The following LIPE variants were observed in gnomAD, a reference collection of about 807,000 sequenced individuals.
LIPE encodes lipase E, hormone sensitive type, also known as hormone-sensitive lipase.
In LIPE, 66 loss-of-function variants were observed where a neutral mutation model predicts 88.5. The ratio of observed to expected loss-of-function variants is 0.75; its 90% CI spans 0.61 to 0.91. The LOEUF (loss-of-function observed/expected upper bound fraction) is 0.91. Among genes scored for constraint, LIPE ranks in the 40% least tolerant of loss-of-function variants. The pLI is 0.00. For missense variants in LIPE, 1,346 were observed against 1,434.7 expected (o/e 0.94, Z 1.00); for synonymous variants, 570 against 617.5 (o/e 0.92, Z 1.14).
intron 1 of LIPE, chr19:42,423,664 C>G (rs2040648671): frequency 5.2e-6 from 6 of 1,161,814 alleles, no homozygotes; most frequent in South Asian, 4.8e-5. Flanking sequence ...TTCTCTGGGT[C>G]CAGCTCCCTA....
chr19:42,409,149 G>A (rs1357151495), intron 2 of LIPE, among the ~76,000 whole-genome samples: 1 of 152,064 alleles, frequency 6.6e-6, no homozygotes, highest in Non-Finnish European at 1.5e-5. Flanking sequence ...ACAGGGACCT[G>A]AGGCAGAAAG....
intron 1 of LIPE, chr19:42,423,558 C>T: frequency 1.6e-6 from 2 of 1,235,586 alleles, no homozygotes; most frequent in Non-Finnish European, 1.0e-6. Context: ...GGTCCTCCCG[C>T]GGGGGCCAAT....
chr19:42,406,540 C>T lies in LIPE; in HGVS notation c.2138-152G>A. 1.6e-6 allele frequency: 1 copy of T among 643,814 alleles called. No individual in the cohort carries two copies. The highest frequency in any genetic ancestry group is 1.8e-5 in the South Asian group (1 of 54,580). The allele number at this position is 643,814 out of a possible 1,614,324, so 39.9% of individuals were successfully genotyped here. ...AGCAGACTGCAGTTTTAGAGACTGG[C>T]AGACTGAGGCACAGATTTGGGCTCA... On this transcript the variant is annotated intron_variant, in intron 6 of 9. Transcript: ENST00000244289. The surrounding 1 kb of genome is among the most constrained non-coding windows in gnomAD (Gnocchi z 5.7).
At position 42,410,666 on chromosome 19, in the gene LIPE, G is replaced by C. The variant is rs200986163; in HGVS notation, c.1060C>G (p.Arg354Gly). ...QALGLEPALG[R>G]LLGVAHLFDL... ...AAGAGGTGCGCCACACCCAGCAGGC[G>C]GCCCAGGGCCGGCTCCAGCCCCAGC... Residue 354 changes from arginine (R) to glycine (G), a missense_variant, in exon 2 of 10, where the codon CGC (arginine) becomes GGC (glycine). Coordinates refer to ENST00000244289, the MANE Select transcript of LIPE (RefSeq NM_005357.4). The surrounding 1 kb of genome is among the most constrained non-coding windows in gnomAD (Gnocchi z 6.1). 2.5e-6 allele frequency: 4 copies of C among 1,612,030 alleles called. No individual in the cohort carries two copies. The East Asian group carries it at 8.9e-5, about 36-fold the overall frequency.
At chr19:42,411,356 G>C (rs2040370390) in intron 1 of LIPE, 1 of 983,458 alleles carries the variant, frequency 1.0e-6, no homozygotes, top group African/African-American at 1.8e-5. Context: ...ATTCTCCTGG[G>C]GCCCAAGACT....
At chr19:42,416,328 G>C (rs2147651149) in intron 1 of LIPE, among the ~76,000 whole-genome samples, 1 of 151,996 alleles carries the variant, frequency 6.6e-6, no homozygotes, top group South Asian at 2.1e-4. Context: ...TGAGCAACAA[G>C]AGTGAAACTT....
At chr19:42,418,320 C>G (rs2040530328) in intron 1 of LIPE, among the ~76,000 whole-genome samples, 1 of 152,140 alleles carries the variant, frequency 6.6e-6, no homozygotes, top group Non-Finnish European at 1.5e-5. Flanking sequence ...GGACCAAATG[C>G]TATCAAACAG....
intron 8 of LIPE, among the ~76,000 whole-genome samples, chr19:42,403,880 C>A (rs999773885): frequency 2.6e-5 from 4 of 152,036 alleles, no homozygotes; most frequent in African/African-American, 9.7e-5. Flanking sequence ...GGATCTGCTT[C>A]CCCACATTTC....
Position 42,407,067 on chromosome 19 carries a change from G to GT in LIPE, c.2137+106dup. ...CCTGGGTGAGCAGGAGCTGGGAGGT[G>GT]TGGGGGGAGAGAAAGGTAGAGGGTG... is the stretch of plus-strand genomic sequence containing the variant. On this transcript the variant is annotated intron_variant, in intron 6 of 9. Transcript: ENST00000244289. This position sits in a 1 kb window ranked among gnomAD's most constrained non-coding sequence, Gnocchi z 5.8. 1.0e-6 allele frequency: 1 copy of GT among 988,846 alleles called. No individual in the cohort carries two copies. Among genetic ancestry groups the GT allele is most frequent in the Non-Finnish European group, 1.4e-6 (1 of 692,096 alleles). 61.3% of individuals were successfully genotyped at this position (988,846 alleles called of 1,614,324 possible).
intron 1 of LIPE, among the ~76,000 whole-genome samples, chr19:42,417,983 C>A (rs1027943476): frequency 2.6e-5 from 4 of 151,408 alleles, no homozygotes; most frequent in Admixed American, 1.3e-4. Context: ...GGACTGACCC[C>A]CATTTTTTTT....
rs2040231385 is a variant in LIPE, at chr19:42,407,661, G to A, written c.1787C>T (p.Thr596Ile). The A allele has an allele frequency of 1.9e-6, 3 of 1,610,080 alleles. No individual in the cohort carries two copies. The highest frequency in any genetic ancestry group is 2.5e-6 in the Non-Finnish European group (3 of 1,178,020). Residue 596 changes from threonine to isoleucine, a missense_variant, in exon 5 of 10, where the codon ACA becomes ATA. By Grantham distance (89) the Thr-to-Ile change is moderately conservative. Coordinates refer to ENST00000244289, the MANE Select transcript of LIPE (RefSeq NM_005357.4). The surrounding 1 kb of genome is among the most constrained non-coding windows in gnomAD (Gnocchi z 5.8). ...CCTGACGAGGACGGGCCCAGGGCCT[G>A]TGTGGGCCAGTGGGGGTGAGATGGT... ...TVTISPPLAHTGPGPVLVRLI... is the reference protein window; with the variant it reads ...TVTISPPLAHIGPGPVLVRLI...
At chr19:42,419,440 G>A (rs1158214402) in intron 1 of LIPE, among the ~76,000 whole-genome samples, 1 of 152,222 alleles carries the variant, frequency 6.6e-6, no homozygotes, top group Non-Finnish European at 1.5e-5. Context: ...GGACTGGGCT[G>A]GGTGGAGCTG....
chr19:42,402,033 C>T lies in LIPE; in HGVS notation c.3010G>A (p.Ala1004Thr). The change falls in exon 10 of 10, where the codon GCG (alanine) becomes ACG (threonine). Residue 1004 changes from alanine (A) to threonine (T), a missense_variant. Coordinates refer to ENST00000244289, the MANE Select transcript of LIPE (RefSeq NM_005357.4). ...DPMLDDSVML[A>T]RRLRNLGQPV... The stretch of plus-strand genomic sequence containing the variant: ...TGGCCCAGGTTGCGCAGTCGCCGCG[C>T]GAGCATGACCGAGTCGTCCAGCATG... 6.5e-7 allele frequency: 1 copy of T among 1,530,858 alleles called. No individual in the cohort carries two copies. Among genetic ancestry groups the T allele is most frequent in the Non-Finnish European group, 8.8e-7 (1 of 1,139,112 alleles). The allele number at this position is 1,530,858 out of a possible 1,614,324, so 94.8% of individuals were successfully genotyped here.
At chr19:42,409,762 A>T (rs1204126099) in intron 2 of LIPE, among the ~76,000 whole-genome samples, 1 of 152,062 alleles carries the variant, frequency 6.6e-6, no homozygotes, top group Non-Finnish European at 1.5e-5. Flanking sequence ...CACAGGGAGG[A>T]GCTGGCTGGC....
Position 42,427,082 on chromosome 19 carries a change from G to C in LIPE, c.68C>G (p.Thr23Ser). ...CTTTTCTGGCCCAGGCTCTAGCGGG[G>C]TTATAGGCCTCTGGTGTGGTTCAGG... ...WQPEPHQRPI[T>S]PLEPGPEKTP... The change falls in exon 1 of 10, where the codon ACC becomes AGC. Residue 23 changes from threonine to serine, a missense_variant. By Grantham distance (58) the Thr-to-Ser change is moderately conservative. Coordinates refer to ENST00000244289, the MANE Select transcript of LIPE (RefSeq NM_005357.4). 6.2e-7 allele frequency: 1 copy of C among 1,613,970 alleles called. No individual in the cohort carries two copies. Among genetic ancestry groups the C allele is most frequent in the East Asian group, 2.2e-5 (1 of 44,898 alleles).
At chr19:42,416,540 G>A (rs1397535459) in intron 1 of LIPE, among the ~76,000 whole-genome samples, 2 of 152,212 alleles carry the variant, frequency 1.3e-5, no homozygotes, top group Non-Finnish European at 2.9e-5. Flanking sequence ...GTGCCTGGGC[G>A]CCAAAGCTTC....
Position 42,402,695 on chromosome 19 carries a change from T to A in LIPE, c.2879A>T (p.Tyr960Phe). The change falls in exon 9 of 10, where the codon TAC becomes TTC. Residue 960 changes from tyrosine (Y) to phenylalanine (F), a missense_variant. Coordinates refer to ENST00000244289, the MANE Select transcript of LIPE (RefSeq NM_005357.4). ...SSQGATQMPL[Y>F]SSPIVKNPFM... Reference sequence around the variant, plus strand: ...GGGGTTCTTGACTATGGGTGAGGAGTAGAGGGGCATCTGTGTGGCACCCTG... The same window carrying A: ...GGGGTTCTTGACTATGGGTGAGGAGAAGAGGGGCATCTGTGTGGCACCCTG... 6.5e-7 allele frequency: 1 copy of A among 1,527,426 alleles called. No individual in the cohort carries two copies. The highest frequency in any genetic ancestry group is 8.8e-7 in the Non-Finnish European group (1 of 1,133,854). The allele number at this position is 1,527,426 out of a possible 1,614,324, so 94.6% of individuals were successfully genotyped here.
At chr19:42,418,652 GA>G (rs371491190) in intron 1 of LIPE, among the ~76,000 whole-genome samples, 20 of 145,078 alleles carry the variant, frequency 1.4e-4, no homozygotes, top group East Asian at 1.0e-3. Context: ...CGTCTCTACA[GA>G]AAAAAAAAAA....
chr19:42,406,519 G>A lies in LIPE; in HGVS notation c.2138-131C>T. The A allele has an allele frequency of 1.4e-6, 1 of 706,216 alleles. No individual in the cohort carries two copies. The highest frequency in any genetic ancestry group is 2.4e-6 in the Non-Finnish European group (1 of 410,346). The allele number at this position is 706,216 out of a possible 1,614,324, so 43.7% of individuals were successfully genotyped here. ...GTGTGGGGCACTCCAAGGCCTAGCAGACTGCAGTTTTAGAGACTGGCAGAC... is the reference window on the plus strand; with the variant it reads ...GTGTGGGGCACTCCAAGGCCTAGCAAACTGCAGTTTTAGAGACTGGCAGAC... On this transcript the variant is annotated intron_variant, in intron 6 of 9. Transcript: ENST00000244289. The surrounding 1 kb of genome is among the most constrained non-coding windows in gnomAD (Gnocchi z 5.7).
Sources: allele counts gnomAD v4.1 joint callset (sites outside exome capture counted in the v4.1 genomes callset), GRCh38; gene constraint gnomAD v4.1.1; non-coding constraint Gnocchi (gnomAD v3.1); transcripts MANE v1.5; gene names NCBI Gene and HGNC (gene_info 2026-07-23, HGNC 2026-07-21).